The following NSMCE2 variants were observed in gnomAD, a reference collection of about 807,000 sequenced individuals.
NSMCE2 encodes the protein E3 SUMO-protein ligase NSE2.
In NSMCE2, 24 loss-of-function variants were observed where a neutral mutation model predicts 23.8. The observed-to-expected ratio is 1.01, with a 90% CI of 0.73 to 1.42. The LOEUF (loss-of-function observed/expected upper bound fraction) is 1.42, where lower values mean the gene tolerates loss of function less well. Ranked by LOEUF, NSMCE2 falls within the 40% of genes most tolerant of loss-of-function variation. The pLI is 0.00. For missense variants in NSMCE2, 284 were observed against 296.5 expected, an observed-to-expected ratio of 0.96 and a Z score of 0.31; for synonymous variants, 92 against 94.1, an observed-to-expected ratio of 0.98 and a Z score of 0.13.
chr8:125,237,248 T>A (rs1021593365), intron 5 of NSMCE2, among the ~76,000 whole-genome samples: 13 of 152,172 alleles, frequency 8.5e-5, no homozygotes, highest in African/African-American at 3.1e-4. Flanking sequence ...AGAGGCAACA[T>A]AATCTTAAGA....
chr8:125,128,671 G>GA, intron 3 of NSMCE2, among the ~76,000 whole-genome samples: 1 of 152,286 alleles, frequency 6.6e-6, no homozygotes, highest in South Asian at 2.1e-4. Flanking sequence ...GGCTCCAGGG[G>GA]AAAATCATTG....
intron 5 of NSMCE2, among the ~76,000 whole-genome samples, chr8:125,204,288 G>A (rs1472435059): frequency 6.6e-6 from 1 of 152,182 alleles, no homozygotes; most frequent in East Asian, 1.9e-4. Flanking sequence ...CACAAAGTGT[G>A]GCTGCCTGTT....
chr8:125,149,846 T>G (rs1820899590), intron 3 of NSMCE2, among the ~76,000 whole-genome samples: 1 of 152,200 alleles, frequency 6.6e-6, no homozygotes, highest in Non-Finnish European at 1.5e-5. Flanking sequence ...TGTAAGGTTT[T>G]TTTGTTTGTT....
intron 5 of NSMCE2, among the ~76,000 whole-genome samples, chr8:125,316,630 CTTTCTTTAT>C (rs1563779889): frequency 4.1e-4 from 23 of 56,056 alleles, no homozygotes; most frequent in Non-Finnish European, 7.6e-4. Flanking sequence ...TCCTTCTTTC[CTTTCTTTAT>C]TTCCTTCTTT....
chr8:125,154,570 T>C (rs977802591), intron 4 of NSMCE2, among the ~76,000 whole-genome samples: 1 of 151,502 alleles, frequency 6.6e-6, no homozygotes, highest in Non-Finnish European at 1.5e-5. Context: ...TATTATGCAG[T>C]GAACACTAAA....
At chr8:125,094,254 C>G (rs1050486822) in intron 1 of NSMCE2, among the ~76,000 whole-genome samples, 13 of 152,160 alleles carry the variant, frequency 8.5e-5, no homozygotes, top group African/African-American at 2.9e-4. Flanking sequence ...CTGCTAACAT[C>G]TTGCAAGATA....
chr8:125,248,830 CAG>C (rs1264182285), intron 5 of NSMCE2, among the ~76,000 whole-genome samples: 1 of 152,154 alleles, frequency 6.6e-6, no homozygotes, highest in Non-Finnish European at 1.5e-5. Flanking sequence ...TATGGAGACA[CAG>C]AGGATCATAG....
chr8:125,158,535 C>T (rs1821441130), intron 4 of NSMCE2, among the ~76,000 whole-genome samples: 1 of 152,148 alleles, frequency 6.6e-6, no homozygotes, highest in Non-Finnish European at 1.5e-5. Context: ...ACTGAGGCGC[C>T]CAGTGTGATT....
intron 5 of NSMCE2, among the ~76,000 whole-genome samples, chr8:125,304,391 T>C (rs1298059877): frequency 1.3e-5 from 2 of 152,084 alleles, no homozygotes; most frequent in Non-Finnish European, 2.9e-5. Context: ...ACGTGATCCA[T>C]GTAGGTTTCA....
At chr8:125,266,953 T>A (rs540587110) in intron 5 of NSMCE2, among the ~76,000 whole-genome samples, 1 of 152,110 alleles carries the variant, frequency 6.6e-6, no homozygotes, top group Admixed American at 6.5e-5. Flanking sequence ...GAACATTTGG[T>A]TTGAGCATCA....
chr8:125,164,691 A>C (rs961676445), intron 4 of NSMCE2, among the ~76,000 whole-genome samples: 1 of 152,196 alleles, frequency 6.6e-6, no homozygotes, highest in Admixed American at 6.5e-5. Flanking sequence ...TTTGTGTTAT[A>C]TTTTTGAAGT....
chr8:125,196,466 CCTT>C (rs1823626146), intron 5 of NSMCE2, among the ~76,000 whole-genome samples: 1 of 152,096 alleles, frequency 6.6e-6, no homozygotes, highest in Non-Finnish European at 1.5e-5. Flanking sequence ...GGTTTCCTGT[CCTT>C]CTGATAGTTT....
chr8:125,107,260 C>T (rs1450636368), intron 3 of NSMCE2, among the ~76,000 whole-genome samples: 1 of 141,480 alleles, frequency 7.1e-6, no homozygotes, highest in Admixed American at 7.3e-5. Flanking sequence ...GATCTTGGCT[C>T]ACTGCAACCT....
intron 5 of NSMCE2, among the ~76,000 whole-genome samples, chr8:125,279,985 C>T (rs1827630112): frequency 6.6e-6 from 1 of 152,130 alleles, no homozygotes; most frequent in Non-Finnish European, 1.5e-5. Context: ...TTTTATTTGT[C>T]ATTTTTTGTT....
At chr8:125,243,389 G>A (rs1451393581) in intron 5 of NSMCE2, among the ~76,000 whole-genome samples, 1 of 152,050 alleles carries the variant, frequency 6.6e-6, no homozygotes, top group Non-Finnish European at 1.5e-5. Context: ...GCCTTAAGCT[G>A]AAAGATGTTC....
chr8:125,287,226 G>A (rs892449249), intron 5 of NSMCE2, among the ~76,000 whole-genome samples: 7 of 152,186 alleles, frequency 4.6e-5, no homozygotes, highest in African/African-American at 1.4e-4. Context: ...CAGCTACTCG[G>A]GAGGCTGAGG....
At chr8:125,165,655 C>T (rs73704546) in intron 4 of NSMCE2, among the ~76,000 whole-genome samples, 7,556 of 152,218 alleles carry the variant, frequency 0.05, 226 homozygotes, top group African/African-American at 0.076. Context: ...CACTGAGAAT[C>T]AAAATTATAT....
intron 1 of NSMCE2, among the ~76,000 whole-genome samples, chr8:125,098,971 T>G (rs557151750): frequency 1.1e-4 from 17 of 152,104 alleles, no homozygotes; most frequent in Non-Finnish European, 2.1e-4. Context: ...CCACCTATAC[T>G]ACAGTTTTGG....
At chr8:125,207,394 G>A (rs899836733) in intron 5 of NSMCE2, among the ~76,000 whole-genome samples, 5 of 152,036 alleles carry the variant, frequency 3.3e-5, no homozygotes, top group African/African-American at 1.2e-4. Flanking sequence ...TAAAAAATCA[G>A]TTCATCCCAA....
Sources: gnomAD v4.1 joint callset for allele counts (sites outside exome capture counted in the v4.1 genomes callset) on GRCh38, gnomAD v4.1.1 for gene constraint, MANE v1.5 for transcripts, NCBI Gene and HGNC (gene_info 2026-07-23, HGNC 2026-07-21) for gene names.